The following EREG variants were observed in gnomAD, a reference collection of about 807,000 sequenced individuals.
EREG encodes the protein proepiregulin.
EREG carries 23 observed loss-of-function variants against 22.4 expected under a neutral mutation model. That is an observed-to-expected ratio of 1.03 (90% CI 0.74 to 1.46). The LOEUF (loss-of-function observed/expected upper bound fraction) is 1.46. EREG is among the 40% of genes most tolerant of loss of function. EREG has a pLI of 0.00. For missense variants in EREG, 226 were observed against 205.9 expected (o/e 1.10, Z -0.60); for synonymous variants, 100 against 75.4 (o/e 1.33, Z -1.69).
chr4:74,371,849 C>A (rs1578817432), intron 1 of EREG, among the ~76,000 whole-genome samples: 2 of 150,634 alleles, frequency 1.3e-5, no homozygotes, highest in Non-Finnish European at 2.9e-5. Flanking sequence ...TTAATGGCAG[C>A]ATTCTCTGTT....
intron 1 of EREG, among the ~76,000 whole-genome samples, chr4:74,370,716 G>T (rs1451737897): frequency 1.3e-5 from 2 of 152,110 alleles, no homozygotes; most frequent in African/African-American, 4.8e-5. Flanking sequence ...GAATAAAGTG[G>T]CAGTGATATG....
chr4:74,370,394 C>G (rs903222767), intron 1 of EREG, among the ~76,000 whole-genome samples: 1 of 152,068 alleles, frequency 6.6e-6, no homozygotes, highest in African/African-American at 2.4e-5. Context: ...GTTATCACCA[C>G]TATGTTATAG....
In EREG at chr4:74,373,562, T is replaced by C. The variant is rs187152684; in HGVS notation, c.68-5886T>C. 1.4e-3 allele frequency among the ~76,000 whole-genome samples: 217 copies of C among 150,640 alleles called. 2 individuals are homozygous for C. Among genetic ancestry groups the C allele is most frequent in the African/African-American group, 5.0e-3 (205 of 41,228 alleles). ...TAAAAATATATAGGAATAGAATTAT[T>C]ACTGGCAGAAGGCAAGGTTAGTTTT... On this transcript the variant is annotated intron_variant, in intron 1 of 4. Transcript: ENST00000244869.
chr4:74,368,648 G>C (rs113885436), intron 1 of EREG, among the ~76,000 whole-genome samples: 3,301 of 152,262 alleles, frequency 0.022, 119 homozygotes, highest in African/African-American at 0.075. Flanking sequence ...CCCATTTCCT[G>C]GTTAATGTTC....
intron 1 of EREG, among the ~76,000 whole-genome samples, chr4:74,378,467 TC>T (rs1752419634): frequency 6.6e-6 from 1 of 152,158 alleles, no homozygotes; most frequent in Non-Finnish European, 1.5e-5. Flanking sequence ...ACAAAATATG[TC>T]TAATTTTTTT....
At chr4:74,369,260 A>AT (rs1752251240) in intron 1 of EREG, among the ~76,000 whole-genome samples, 1 of 151,906 alleles carries the variant, frequency 6.6e-6, no homozygotes, top group South Asian at 2.1e-4. Flanking sequence ...AGTAGTGTAC[A>AT]TTGTACCTAA....
At chr4:74,377,192 T>C (rs1169026153) in intron 1 of EREG, among the ~76,000 whole-genome samples, 1 of 151,658 alleles carries the variant, frequency 6.6e-6, no homozygotes, top group African/African-American at 2.4e-5. Context: ...TTTATTTCAC[T>C]GTATTCTCCC....
Position 74,387,400 on chromosome 4 carries a change from A to C in EREG, c.*2592A>C, listed in dbSNP as rs1752586602. 1 of 152,160 alleles carries C rather than the reference A, an allele frequency of 6.6e-6. No homozygotes were observed. The highest frequency in any genetic ancestry group is 2.4e-5 in the African/African-American group (1 of 41,430). 9.4% of individuals were successfully genotyped at this position (152,160 alleles called of 1,614,324 possible). A position where few individuals can be genotyped will look rare whatever the true frequency, so the allele number is the denominator to read the frequency against. On this transcript the variant is annotated 3_prime_UTR_variant, in exon 5 of 5. Transcript: ENST00000244869. ...TTTCATTTACAAAAGATTTATTGTA[A>C]GCATCTCAATCTTGGTTTGTCAGTT...
intron 1 of EREG, among the ~76,000 whole-genome samples, chr4:74,373,817 G>A (rs1027260058): frequency 6.6e-5 from 10 of 151,828 alleles, no homozygotes; most frequent in African/African-American, 2.4e-4. Context: ...AGAAGGTGCT[G>A]ACAGTCTTTT....
rs548934539 is a variant in EREG, at chr4:74,365,872, C to G, written c.67+497C>G. Among the ~76,000 whole-genome samples, 12 of 152,230 alleles carry G rather than the reference C, an allele frequency of 7.9e-5. No individual in the cohort carries two copies. In the South Asian group the frequency reaches 2.5e-3, roughly 32 times the overall value. On this transcript the variant is annotated intron_variant, in intron 1 of 4. Coordinates refer to ENST00000244869, the MANE Select transcript of EREG (RefSeq NM_001432.3). Reference sequence around the variant, plus strand: ...GCCTGGTTTAGCTTTCCCGGAGGAGCTGGTATGCGCCAGTGCCAGTTGGCT... The same window carrying G: ...GCCTGGTTTAGCTTTCCCGGAGGAGGTGGTATGCGCCAGTGCCAGTTGGCT...
intron 2 of EREG, among the ~76,000 whole-genome samples, chr4:74,380,568 A>C (rs1005266069): frequency 6.6e-6 from 1 of 152,166 alleles, no homozygotes; most frequent in Non-Finnish European, 1.5e-5. Context: ...CTGATTAAAA[A>C]TCCACTGTAG....
intron 1 of EREG, among the ~76,000 whole-genome samples, chr4:74,373,771 C>T (rs1023745780): frequency 2.0e-5 from 3 of 151,184 alleles, no homozygotes; most frequent in African/African-American, 7.3e-5. Context: ...CACACACACA[C>T]ACATATATAT....
chr4:74,384,817 A>G lies in EREG; in HGVS notation c.*9A>G. On this transcript the variant is annotated 3_prime_UTR_variant, in exon 5 of 5. Coordinates refer to ENST00000244869, the MANE Select transcript of EREG (RefSeq NM_001432.3). ...AGTTGCCGCAAGTCTGAATGGCGCC[A>G]TCAAACTTATGGGCAGGGATAACAG... 6.4e-7 allele frequency: 1 copy of G among 1,569,492 alleles called. No homozygotes were observed. The highest frequency in any genetic ancestry group is 8.8e-7 in the Non-Finnish European group (1 of 1,139,978).
chr4:74,382,866 A>C, intron 4 of EREG, 72 bp downstream of exon 4: 4 of 1,098,086 alleles, frequency 3.6e-6, no homozygotes, highest in Non-Finnish European at 5.3e-6. Flanking sequence ...AAACTGGGTA[A>C]AAATATGGAT....
intron 1 of EREG, among the ~76,000 whole-genome samples, chr4:74,373,673 A>G (rs1560597391): frequency 1.2e-5 from 1 of 82,792 alleles, no homozygotes; most frequent in African/African-American, 4.2e-5. Flanking sequence ...GTGTTCATAT[A>G]TATTTATATA....
intron 1 of EREG, among the ~76,000 whole-genome samples, chr4:74,372,604 G>A (rs964532869): frequency 1.5e-4 from 23 of 152,124 alleles, no homozygotes; most frequent in Admixed American, 4.6e-4. Flanking sequence ...TGAGAAGCCC[G>A]ATGGAAGGGA....
At chr4:74,375,358 G>A (rs922677030) in intron 1 of EREG, among the ~76,000 whole-genome samples, 1 of 112,568 alleles carries the variant, frequency 8.9e-6, no homozygotes, top group African/African-American at 3.5e-5. Context: ...TTCCTCTGTC[G>A]CCCAGGCTGG....
chr4:74,384,951 TTG>T lies in EREG; in HGVS notation c.*145_*146del, dbSNP rs1273786006. The T allele has an allele frequency of 2.0e-6, 1 of 498,440 alleles. No homozygotes were observed. The highest frequency in any genetic ancestry group is 1.9e-5 in the African/African-American group (1 of 51,692). 30.9% of individuals were successfully genotyped at this position (498,440 alleles called of 1,614,324 possible). On this transcript the variant is annotated 3_prime_UTR_variant, in exon 5 of 5. Coordinates refer to ENST00000244869, the MANE Select transcript of EREG (RefSeq NM_001432.3). ...ATGTACTTGAAAAATGTTTTTATTT[TTG>T]TTTTATTTTTGACAGACTATTTGCT...
chr4:74,374,519 T>C lies in EREG; in HGVS notation c.68-4929T>C, dbSNP rs1752345605. Reference sequence around the variant, plus strand: ...ACCACTGCACTCCAGTCTGGGCAAATGAGTAAGAGCCTCGAAAAACAAAAT... The same window carrying C: ...ACCACTGCACTCCAGTCTGGGCAAACGAGTAAGAGCCTCGAAAAACAAAAT... On this transcript the variant is annotated intron_variant, in intron 1 of 4. Transcript: ENST00000244869. Among the ~76,000 whole-genome samples, 6 of 152,120 alleles carry C rather than the reference T, an allele frequency of 3.9e-5. No individual in the cohort carries two copies. In the South Asian group the frequency reaches 1.2e-3, roughly 32 times the overall value.
Sources: allele counts gnomAD v4.1 joint callset (sites outside exome capture counted in the v4.1 genomes callset), GRCh38; gene constraint gnomAD v4.1.1; transcripts MANE v1.5; gene names NCBI Gene and HGNC (gene_info 2026-07-23, HGNC 2026-07-21).